CADPS2: variants seen among roughly 807,000 people sequenced by gnomAD.
The protein encoded by CADPS2 is calcium-dependent secretion activator 2.
Under a neutral mutation model 172.5 loss-of-function variants are expected in CADPS2, and 93 were observed. The observed-to-expected ratio is 0.54, with a 90% CI of 0.46 to 0.64. The LOEUF (loss-of-function observed/expected upper bound fraction) is 0.64. CADPS2 is among the 30% of genes least tolerant of loss of function. CADPS2 has a pLI of 0.00. For missense variants in CADPS2, 1,420 were observed against 1,565.9 expected (o/e 0.91, Z 1.57); for synonymous variants, 546 against 555.2 (o/e 0.98, Z 0.23).
At chr7:122,755,545 G>A (rs756821587) in intron 1 of CADPS2, among the ~76,000 whole-genome samples, 2 of 151,990 alleles carry the variant, frequency 1.3e-5, no homozygotes, top group African/African-American at 2.4e-5. Context: ...TGACAGAGAC[G>A]ACACTAATTC....
chr7:122,843,073 A>C (rs552880877), intron 1 of CADPS2, among the ~76,000 whole-genome samples: 10 of 152,346 alleles, frequency 6.6e-5, no homozygotes, highest in African/African-American at 2.2e-4. Context: ...TAAAGTACTT[A>C]AGAGATTGTG....
chr7:122,612,958 T>C (rs2074469952), intron 6 of CADPS2, among the ~76,000 whole-genome samples: 1 of 152,112 alleles, frequency 6.6e-6, no homozygotes, highest in African/African-American at 2.4e-5. Context: ...AATAGGTTTT[T>C]CAACAAATGG....
At chr7:122,667,449 A>G (rs1419825261) in intron 2 of CADPS2, among the ~76,000 whole-genome samples, 1 of 152,194 alleles carries the variant, frequency 6.6e-6, no homozygotes, top group Non-Finnish European at 1.5e-5. Flanking sequence ...TTTCCCCTAC[A>G]AAACCATACC....
intron 6 of CADPS2, among the ~76,000 whole-genome samples, chr7:122,604,430 A>T (rs562884757): frequency 2.0e-5 from 3 of 152,270 alleles, no homozygotes; most frequent in African/African-American, 7.2e-5. Context: ...GATCTGCACC[A>T]GCAGCACTGA....
chr7:122,822,856 C>T (rs1022254490), intron 1 of CADPS2, among the ~76,000 whole-genome samples: 2 of 151,820 alleles, frequency 1.3e-5, no homozygotes, highest in African/African-American at 2.4e-5. Flanking sequence ...CTTTACCTAC[C>T]CAAATCCTAT....
intron 1 of CADPS2, among the ~76,000 whole-genome samples, chr7:122,804,726 T>A (rs899263405): frequency 6.6e-6 from 1 of 152,230 alleles, no homozygotes. Context: ...CAAATGATGC[T>A]GGATTGCCAT....
chr7:122,392,952 T>C (rs995233949), intron 22 of CADPS2, among the ~76,000 whole-genome samples: 1 of 152,088 alleles, frequency 6.6e-6, no homozygotes, highest in Admixed American at 6.6e-5. Flanking sequence ...ACCAAATTAT[T>C]CCTGTCCCAC....
chr7:122,774,275 C>T (rs1365557584), intron 1 of CADPS2, among the ~76,000 whole-genome samples: 6 of 86,802 alleles, frequency 6.9e-5, no homozygotes, highest in Non-Finnish European at 1.1e-4. Flanking sequence ...GATATACACA[C>T]ACACACACAC....
At chr7:122,774,296 ACACACAC>A (rs2093805176) in intron 1 of CADPS2, among the ~76,000 whole-genome samples, 1 of 151,612 alleles carries the variant, frequency 6.6e-6, no homozygotes, top group Non-Finnish European at 1.5e-5. Context: ...ACACACACAC[ACACACAC>A]ACACACACTC....
At chr7:122,334,024 G>A (rs904826282) in intron 28 of CADPS2, among the ~76,000 whole-genome samples, 3 of 151,900 alleles carry the variant, frequency 2.0e-5, no homozygotes, top group African/African-American at 2.4e-5. Context: ...TTAAATACAC[G>A]TTAAAGCTGT....
chr7:122,475,315 GCT>G (rs1213077359), intron 12 of CADPS2, among the ~76,000 whole-genome samples: 1 of 152,134 alleles, frequency 6.6e-6, no homozygotes, highest in Admixed American at 6.6e-5. Context: ...TATTACATTA[GCT>G]CTGTTAGAAA....
At chr7:122,698,916 C>G in intron 2 of CADPS2, 1 of 1,569,746 alleles carries the variant, frequency 6.4e-7, no homozygotes. Context: ...TGAGTAGATG[C>G]ATCTCTCTCT....
intron 1 of CADPS2, among the ~76,000 whole-genome samples, chr7:122,770,511 C>T (rs552078747): frequency 6.6e-6 from 1 of 152,218 alleles, no homozygotes; most frequent in South Asian, 2.1e-4. Context: ...TCACAAGGTT[C>T]CCTGACCCCA....
Position 122,663,424 on chromosome 7 carries a change from A to C in CADPS2, c.599T>G (p.Leu200Trp), listed in dbSNP as rs1158911090. The C allele has an allele frequency of 6.2e-7, 1 of 1,613,804 alleles. No homozygotes were observed. Among genetic ancestry groups the C allele is most frequent in the Non-Finnish European group, 8.5e-7 (1 of 1,179,884 alleles). Residue 200 changes from leucine to tryptophan, a missense_variant, in exon 3 of 30, where the codon TTG becomes TGG. Coordinates refer to ENST00000449022, the MANE Select transcript of CADPS2 (RefSeq NM_017954.11). ...ATCATATTTGGCTATCCATGAGCTC[A>C]ACACTGTCTCTTTGCTCAAGCCATC... ...EIDGLSKETV[L>W]SSWIAKYDAI... is the part of the protein sequence containing the mutation.
In CADPS2 at chr7:122,613,541, CTGT is replaced by C. The variant is rs531568659; in HGVS notation, c.1223+1637_1223+1639del. ...ACACGTTTCTCAGAATGTATCCCTG[CTGT>C]TAAGTAACACATGACTGTATATAAT... On this transcript the variant is annotated intron_variant, in intron 6 of 29. Transcript: ENST00000449022. Among the ~76,000 whole-genome samples, 510 of 152,134 alleles carry C rather than the reference CTGT, an allele frequency of 3.4e-3. 1 individual carries two copies. Among genetic ancestry groups the C allele is most frequent in the Non-Finnish European group, 4.3e-3 (291 of 67,992 alleles).
chr7:122,572,375 C>T (rs2067385048), intron 7 of CADPS2, among the ~76,000 whole-genome samples: 1 of 152,116 alleles, frequency 6.6e-6, no homozygotes, highest in Non-Finnish European at 1.5e-5. Context: ...ATGCTTTCCC[C>T]ATCCCCATGG....
chr7:122,758,099 T>C (rs1216863900), intron 1 of CADPS2, among the ~76,000 whole-genome samples: 1 of 152,222 alleles, frequency 6.6e-6, no homozygotes, highest in Non-Finnish European at 1.5e-5. Context: ...CCTTATACTT[T>C]AATAACCTCC....
At chr7:122,848,602 G>T (rs1395349544) in intron 1 of CADPS2, among the ~76,000 whole-genome samples, 1 of 152,174 alleles carries the variant, frequency 6.6e-6, no homozygotes, top group African/African-American at 2.4e-5. Flanking sequence ...GCAAAACTGC[G>T]ATTCAAACAT....
chr7:122,548,855 T>C (rs1054894650), intron 8 of CADPS2, among the ~76,000 whole-genome samples: 4 of 152,088 alleles, frequency 2.6e-5, no homozygotes, highest in Non-Finnish European at 2.9e-5. Context: ...CCCTTGGACA[T>C]AGAGAGAAGA....
Sources: gnomAD v4.1 joint callset for allele counts (sites outside exome capture counted in the v4.1 genomes callset) on GRCh38, gnomAD v4.1.1 for gene constraint, MANE v1.5 for transcripts, NCBI Gene and HGNC (gene_info 2026-07-23, HGNC 2026-07-21) for gene names.